Variants in AOAH observed in about 807,000 individuals in gnomAD.
AOAH encodes the protein acyloxyacyl hydrolase (neutrophil).
AOAH carries 64 observed loss-of-function variants against 92.2 expected under a neutral mutation model. The observed-to-expected ratio is 0.69, with a 90% CI of 0.57 to 0.86. The LOEUF (loss-of-function observed/expected upper bound fraction) is 0.86. Among genes scored for constraint, AOAH ranks in the 40% least tolerant of loss-of-function variants. The pLI is 0.00. For missense variants in AOAH, 656 were observed against 694.6 expected, an observed-to-expected ratio of 0.94 and a Z score of 0.62; for synonymous variants, 263 against 254.5, an observed-to-expected ratio of 1.03 and a Z score of -0.32.
intron 11 of AOAH, among the ~76,000 whole-genome samples, chr7:36,603,357 C>G (rs1275837447): frequency 6.6e-6 from 1 of 152,196 alleles, no homozygotes; most frequent in Non-Finnish European, 1.5e-5. Flanking sequence ...AGCTCTTCCT[C>G]CAGCTCCACT....
rs149890658 is a variant in AOAH at position 36,650,559 on chromosome 7, T to C, written c.390+8607A>G. On this transcript the variant is annotated intron_variant, in intron 4 of 20. Transcript: ENST00000617537. Reference sequence around the variant, plus strand: ...ACCCTTCAGTGCTCGTCAAAAGCGTTATGCAAATGCAGATGCTCAAACCCT... The same window carrying C: ...ACCCTTCAGTGCTCGTCAAAAGCGTCATGCAAATGCAGATGCTCAAACCCT... Among the ~76,000 whole-genome samples, 6 of 152,314 alleles carry C rather than the reference T, an allele frequency of 3.9e-5. No individual in the cohort carries two copies. In the East Asian group the frequency reaches 1.2e-3, roughly 29 times the overall value.
chr7:36,724,199 G>C lies in AOAH; in HGVS notation c.-51C>G, dbSNP rs554726957. On this transcript the variant is annotated 5_prime_UTR_variant, in exon 1 of 21. Coordinates refer to ENST00000617537, the MANE Select transcript of AOAH (RefSeq NM_001637.4). ...CACCCGGCTTTGGAAGCTCCCAACT[G>C]AGGGATGCTGGAGCTGAGGCTGCAG... 3.1e-6 allele frequency: 5 copies of C among 1,604,062 alleles called. No individual in the cohort carries two copies. In the East Asian group the frequency reaches 9.0e-5, roughly 29 times the overall value.
chr7:36,636,649 A>G (rs1222212323), intron 5 of AOAH, among the ~76,000 whole-genome samples: 1 of 152,210 alleles, frequency 6.6e-6, no homozygotes, highest in East Asian at 1.9e-4. Context: ...TGATTGATTA[A>G]TCAGTTATGT....
At chr7:36,535,402 C>A (rs1784992924) in intron 16 of AOAH, among the ~76,000 whole-genome samples, 1 of 152,116 alleles carries the variant, frequency 6.6e-6, no homozygotes, top group Non-Finnish European at 1.5e-5. Flanking sequence ...AAAGATCAGG[C>A]ACATCTCCAT....
intron 20 of AOAH, among the ~76,000 whole-genome samples, chr7:36,514,043 C>T (rs879229630): frequency 1.7e-4 from 26 of 152,102 alleles, no homozygotes; most frequent in African/African-American, 5.3e-4. Flanking sequence ...TAGAGATGAA[C>T]GTGGTGTGTT....
intron 12 of AOAH, among the ~76,000 whole-genome samples, chr7:36,587,301 G>GAAAAGA (rs1017985241): frequency 5.5e-5 from 8 of 144,998 alleles, no homozygotes; most frequent in African/African-American, 1.0e-4. Context: ...AAGAAAGAAA[G>GAAAAGA]AAAAGAAAAT....
At chr7:36,626,527 A>C (rs1007636038) in intron 6 of AOAH, among the ~76,000 whole-genome samples, 1 of 152,190 alleles carries the variant, frequency 6.6e-6, no homozygotes, top group Non-Finnish European at 1.5e-5. Flanking sequence ...CAGCCCACTA[A>C]TCAAAATTTT....
chr7:36,624,244 C>G (rs1406619803), intron 6 of AOAH, among the ~76,000 whole-genome samples: 1 of 152,186 alleles, frequency 6.6e-6, no homozygotes, highest in East Asian at 1.9e-4. Flanking sequence ...ACCTGGACAC[C>G]CTCCACCATT....
intron 20 of AOAH, among the ~76,000 whole-genome samples, chr7:36,517,214 C>CTTTTTCTCTT (rs59205788): frequency 0.12 from 13,086 of 104,802 alleles, 1,139 homozygotes; most frequent in East Asian, 0.2. Context: ...TTCTTTCTTT[C>CTTTTTCTCTT]TCTTTCTTTC....
At chr7:36,670,065 T>C (rs942603863) in intron 3 of AOAH, among the ~76,000 whole-genome samples, 4 of 141,738 alleles carry the variant, frequency 2.8e-5, no homozygotes, top group African/African-American at 1.1e-4. Flanking sequence ...ATCCTTTTTT[T>C]GTTTTTTTTT....
chr7:36,721,123 T>C (rs529348979), intron 1 of AOAH, among the ~76,000 whole-genome samples: 3 of 152,258 alleles, frequency 2.0e-5, no homozygotes, highest in Admixed American at 6.5e-5. Context: ...TCTGGAGCCA[T>C]TGGTCTGAAG....
chr7:36,637,911 C>G lies in AOAH; in HGVS notation c.391-1G>C. 6.2e-7 allele frequency: 1 copy of G among 1,611,488 alleles called. No homozygotes were observed. Among genetic ancestry groups the G allele is most frequent in the Non-Finnish European group, 8.5e-7 (1 of 1,177,668 alleles). ...TCTGTAGTGTAAATTTCCATGTCTC[C>G]TATAAAAACAAAGTTAGAGAACATT... On this transcript the variant is annotated splice_acceptor_variant, in intron 4 of 20. Coordinates refer to ENST00000617537, the MANE Select transcript of AOAH (RefSeq NM_001637.4). LOFTEE classifies it high-confidence loss of function.
rs146058966 is a variant in AOAH, at chr7:36,614,144, C to T, written c.846+2236G>A. Among the ~76,000 whole-genome samples, 462 of 152,302 alleles carry T rather than the reference C, an allele frequency of 3.0e-3. 3 individuals carry two copies. The highest frequency in any genetic ancestry group is 0.011 in the African/African-American group (440 of 41,558). On this transcript the variant is annotated intron_variant, in intron 11 of 20. Transcript: ENST00000617537. This position sits in a 1 kb window ranked among gnomAD's most constrained non-coding sequence, Gnocchi z 4.2. ...AGGTGGCTGTATGACAGGGCTTCCC[C>T]ACCGTGCCCATGTCCCTTTCTCGAG...
rs566111305 is a variant in AOAH at position 36,540,257 on chromosome 7, T to C, written c.1306+62A>G. 35 of 1,430,974 alleles carry C rather than the reference T, an allele frequency of 2.4e-5. No homozygotes were observed. The East Asian group carries it at 6.7e-4, about 27-fold the overall frequency. 88.6% of individuals were successfully genotyped at this position (1,430,974 alleles called of 1,614,324 possible). The stretch of plus-strand genomic sequence containing the variant: ...ACATTTCTATATGGTTTGAACCATA[T>C]ATACATTGAACTGTATATACATTGA... On this transcript the variant is annotated intron_variant, in intron 16 of 20. Coordinates refer to ENST00000617537, the MANE Select transcript of AOAH (RefSeq NM_001637.4).
intron 12 of AOAH, among the ~76,000 whole-genome samples, chr7:36,591,713 A>C (rs1026523965): frequency 6.6e-6 from 1 of 152,206 alleles, no homozygotes; most frequent in East Asian, 1.9e-4. Flanking sequence ...GAACAGATGC[A>C]GAAAGGAAAA....
intron 3 of AOAH, among the ~76,000 whole-genome samples, chr7:36,671,599 G>A (rs574992743): frequency 2.2e-4 from 30 of 133,774 alleles, no homozygotes; most frequent in East Asian, 2.1e-3. Context: ...GTGCTCATGC[G>A]TGTGTGTGTA....
chr7:36,522,228 C>T, intron 19 of AOAH, 113 bp from the exon 20 acceptor site: 1 of 835,414 alleles, frequency 1.2e-6, no homozygotes, highest in Middle Eastern at 2.2e-4. Flanking sequence ...GTTGACCAAG[C>T]CACGGCTGCC....
intron 4 of AOAH, among the ~76,000 whole-genome samples, chr7:36,648,629 C>CTTTTTTTTTTTTTTTT (rs751147956): frequency 7.6e-6 from 1 of 131,238 alleles, no homozygotes; most frequent in African/African-American, 2.8e-5. Context: ...TTTATGGTTC[C>CTTTTTTTTTTTTTTTT]TTTTTTTTTT....
At chr7:36,713,095 T>A (rs1046855060) in intron 1 of AOAH, among the ~76,000 whole-genome samples, 2 of 152,064 alleles carry the variant, frequency 1.3e-5, no homozygotes, top group Admixed American at 6.6e-5. Context: ...CCATCTCACA[T>A]GCAGAAACAC....
Sources: allele counts gnomAD v4.1 joint callset (sites outside exome capture counted in the v4.1 genomes callset), GRCh38; gene constraint gnomAD v4.1.1; non-coding constraint Gnocchi (gnomAD v3.1); transcripts MANE v1.5; gene names NCBI Gene and HGNC (gene_info 2026-07-23, HGNC 2026-07-21).